Variants in CBL observed in about 807,000 individuals in gnomAD.
CBL encodes Cbl proto-oncogene.
In CBL, 45 loss-of-function variants were observed where a neutral mutation model predicts 96.9. The observed-to-expected ratio is 0.46, with a 90% CI of 0.37 to 0.60. The LOEUF is 0.60. Ranked by LOEUF, CBL falls within the 20% of genes least tolerant of loss-of-function variation. The probability of loss-of-function intolerance (pLI) is 0.00; values close to 1 mark genes in which losing one functional copy is unlikely to be tolerated. For missense variants in CBL, 1,024 were observed against 1,143.5 expected, an observed-to-expected ratio of 0.90 and a Z score of 1.51; for synonymous variants, 420 against 426.8, an observed-to-expected ratio of 0.98 and a Z score of 0.20.
intron 2 of CBL, among the ~76,000 whole-genome samples, chr11:119,252,665 G>C (rs1375085773): frequency 6.6e-6 from 1 of 152,028 alleles, no homozygotes. Flanking sequence ...AGACCAGCCT[G>C]GCCAACATGG....
intron 1 of CBL, among the ~76,000 whole-genome samples, chr11:119,210,222 T>C (rs1166178762): frequency 1.3e-5 from 2 of 151,758 alleles, no homozygotes; most frequent in African/African-American, 4.8e-5. Flanking sequence ...ACCCTGTCTC[T>C]ACAAAAAATA....
rs145230700 is a variant in CBL, at chr11:119,228,723, C to T, written c.196-3725C>T. Among the ~76,000 whole-genome samples, 83 of 152,136 alleles carry T rather than the reference C, an allele frequency of 5.5e-4. 1 individual carries two copies. The East Asian group carries it at 0.013, about 23-fold the overall frequency. On this transcript the variant is annotated intron_variant, in intron 1 of 15. Coordinates refer to ENST00000264033, the MANE Select transcript of CBL (RefSeq NM_005188.4). ...GCAGCCTCAGACTCTTGGACTCACT[C>T]AAGCAATCCTTCTGCTTCAACCTCT... is the stretch of plus-strand genomic sequence containing the variant.
intron 1 of CBL, among the ~76,000 whole-genome samples, chr11:119,222,876 G>A (rs1342353341): frequency 6.6e-6 from 1 of 152,018 alleles, no homozygotes; most frequent in East Asian, 1.9e-4. Flanking sequence ...TTAATATCGA[G>A]AGTATCAAGA....
intron 2 of CBL, among the ~76,000 whole-genome samples, chr11:119,252,938 T>C (rs1272822432): frequency 6.6e-6 from 1 of 151,684 alleles, no homozygotes; most frequent in Non-Finnish European, 1.5e-5. Context: ...TGAGGTTTTA[T>C]AAATTATCTT....
chr11:119,286,924 C>G (rs1413761045), intron 11 of CBL, among the ~76,000 whole-genome samples: 1 of 151,712 alleles, frequency 6.6e-6, no homozygotes, highest in Non-Finnish European at 1.5e-5. Flanking sequence ...GAAAAATAGC[C>G]CAAAGAAGGG....
At position 119,298,422 on chromosome 11, in the gene CBL, T is replaced by G. The variant is rs774428573; in HGVS notation, c.2316T>G (p.Asp772Glu). 1.8e-5 allele frequency: 29 copies of G among 1,614,064 alleles called. No homozygotes were observed. The East Asian group carries it at 6.5e-4, about 36-fold the overall frequency. Residue 772 changes from aspartate (D) to glutamate (E), a missense_variant, in exon 15 of 16, where the codon GAT becomes GAG. By Grantham distance (45) the Asp-to-Glu change is conservative. Around this residue, in one of 4 missense-constraint regions of CBL, gnomAD observed 695 missense variants for 661.6 expected, o/e 1.05. Coordinates refer to ENST00000264033, the MANE Select transcript of CBL (RefSeq NM_005188.4). ...TGPEESENED[D>E]GYDVPKPPVP... The stretch of plus-strand genomic sequence containing the variant: ...CCGAGGAGTCAGAAAATGAGGATGA[T>G]GGGTATGATGTCCCAAAGCCACCTG...
intron 1 of CBL, among the ~76,000 whole-genome samples, chr11:119,228,376 T>C (rs11217196): frequency 0.63 from 95,088 of 151,920 alleles, 31,278 homozygotes; most frequent in East Asian, 0.89. Context: ...GAGGTCGAGG[T>C]GGGCGGATCA....
intron 1 of CBL, among the ~76,000 whole-genome samples, chr11:119,230,970 A>G (rs192359391): frequency 1.3e-5 from 2 of 152,384 alleles, no homozygotes; most frequent in African/African-American, 2.4e-5. Flanking sequence ...CACTTAAAAC[A>G]TAACTCAGAA....
At chr11:119,209,616 C>CAAA (rs35580329) in intron 1 of CBL, among the ~76,000 whole-genome samples, 1 of 132,712 alleles carries the variant, frequency 7.5e-6, no homozygotes, top group Non-Finnish European at 1.6e-5. Context: ...GACTCCGTCT[C>CAAA]AAAAAAAAAA....
In CBL at chr11:119,232,704, G is replaced by T; in HGVS notation, c.443+9G>T. On this transcript the variant is annotated intron_variant, in intron 2 of 15. Coordinates refer to ENST00000264033, the MANE Select transcript of CBL (RefSeq NM_005188.4). ...GAGAATTCTCAGCCTAGGTAATGGA[G>T]AAATACTACACAAATAATTATGCAG... The T allele has an allele frequency of 6.2e-7, 1 of 1,611,824 alleles. No homozygotes were observed. Among genetic ancestry groups the T allele is most frequent in the Non-Finnish European group, 8.5e-7 (1 of 1,179,382 alleles).
Position 119,296,995 on chromosome 11 carries a change from C to A in CBL, c.2114C>A (p.Ser705Tyr). ...EEDTEYMTPS[S>Y]RPLRPLDTSQ... The stretch of plus-strand genomic sequence containing the variant: ...GACACAGAGTACATGACTCCCTCTT[C>A]CAGGCCTCTACGGCCTTTGGATACA... Residue 705 changes from serine (S) to tyrosine (Y), a missense_variant, in exon 13 of 16, where the codon TCC becomes TAC. Around this residue, in one of 4 missense-constraint regions of CBL, gnomAD observed 695 missense variants for 661.6 expected, o/e 1.05. Coordinates refer to ENST00000264033, the MANE Select transcript of CBL (RefSeq NM_005188.4). 6.2e-7 allele frequency: 1 copy of A among 1,610,134 alleles called. No individual in the cohort carries two copies. Among genetic ancestry groups the A allele is most frequent in the African/African-American group, 1.3e-5 (1 of 74,976 alleles).
At chr11:119,235,800 C>CT (rs747697194) in intron 2 of CBL, among the ~76,000 whole-genome samples, 2 of 152,162 alleles carry the variant, frequency 1.3e-5, no homozygotes, top group Non-Finnish European at 2.9e-5. Context: ...TTAAACCTCA[C>CT]TGTCAGTGTG....
intron 2 of CBL, among the ~76,000 whole-genome samples, chr11:119,255,120 T>C (rs565054825): frequency 5.3e-5 from 8 of 152,292 alleles, no homozygotes; most frequent in African/African-American, 1.9e-4. Flanking sequence ...ACCTTCTTTA[T>C]GGGATTGAGC....
chr11:119,219,197 G>A (rs753179888), intron 1 of CBL, among the ~76,000 whole-genome samples: 2 of 152,086 alleles, frequency 1.3e-5, no homozygotes, highest in Non-Finnish European at 2.9e-5. Flanking sequence ...GGCCAACATG[G>A]TGATACCCTG....
rs1471228672 is a variant in CBL at position 119,206,389 on chromosome 11, C to T, written c.-29C>T. The stretch of plus-strand genomic sequence containing the variant: ...CTCGCAGTCGAGCCGAGCCGGCGGA[C>T]CCGCCTGGGCTCCGACCCTGCCCAG... On this transcript the variant is annotated 5_prime_UTR_variant, in exon 1 of 16. Coordinates refer to ENST00000264033, the MANE Select transcript of CBL (RefSeq NM_005188.4). 1 of 1,478,396 alleles carries T rather than the reference C, an allele frequency of 6.8e-7. No homozygotes were observed. The highest frequency in any genetic ancestry group is 1.3e-5 in the South Asian group (1 of 78,390). 91.6% of individuals were successfully genotyped at this position (1,478,396 alleles called of 1,614,324 possible). A position where few individuals can be genotyped will look rare whatever the true frequency, so the allele number is the denominator to read the frequency against.
At chr11:119,279,791 C>G (rs1403322043) in intron 9 of CBL, among the ~76,000 whole-genome samples, 1 of 152,196 alleles carries the variant, frequency 6.6e-6, no homozygotes, top group African/African-American at 2.4e-5. Flanking sequence ...ATTCAGAGCA[C>G]TTAAATTCTG....
Position 119,213,412 on chromosome 11 carries a change from T to A in CBL, c.195+6800T>A, listed in dbSNP as rs1949334021. Among the ~76,000 whole-genome samples the A allele has an allele frequency of 3.9e-5, 6 of 152,278 alleles. No individual in the cohort carries two copies. The South Asian group carries it at 1.2e-3, about 32-fold the overall frequency. ...ATAAGTGATGTGACTATAGGAGAAATATGTCTGAAGTGATGAGGATCTCTT... is the reference window on the plus strand; with the variant it reads ...ATAAGTGATGTGACTATAGGAGAAAAATGTCTGAAGTGATGAGGATCTCTT... On this transcript the variant is annotated intron_variant, in intron 1 of 15. Transcript: ENST00000264033.
intron 2 of CBL, among the ~76,000 whole-genome samples, chr11:119,264,213 T>G (rs1359256591): frequency 6.6e-6 from 1 of 152,120 alleles, no homozygotes; most frequent in African/African-American, 2.4e-5. Flanking sequence ...TATTGGGGGT[T>G]TTCTTCAGTG....
intron 11 of CBL, among the ~76,000 whole-genome samples, chr11:119,286,281 A>G (rs1048866871): frequency 2.6e-5 from 4 of 152,222 alleles, no homozygotes; most frequent in Non-Finnish European, 5.9e-5. Flanking sequence ...CCTGGGCAAC[A>G]AGAGTGAAAC....
Sources: allele counts gnomAD v4.1 joint callset (sites outside exome capture counted in the v4.1 genomes callset), GRCh38; gene constraint gnomAD v4.1.1; regional missense constraint gnomAD v4.1.1; transcripts MANE v1.5; gene names NCBI Gene and HGNC (gene_info 2026-07-23, HGNC 2026-07-21).